ZNF407: variants seen among roughly 807,000 people sequenced by gnomAD.
ZNF407 encodes zinc finger protein 407.
In ZNF407, 17 loss-of-function variants were observed where a neutral mutation model predicts 131.2. That is an observed-to-expected ratio of 0.13 (90% CI 0.09 to 0.19). The LOEUF (loss-of-function observed/expected upper bound fraction) is 0.19, where lower values mean the gene tolerates loss of function less well. Ranked by LOEUF, ZNF407 falls within the 10% of genes least tolerant of loss-of-function variation. The pLI, the probability that ZNF407 is intolerant of heterozygous loss-of-function variation, is 1.00. For synonymous variants in ZNF407, 1,156 were observed against 1,062.0 expected, an observed-to-expected ratio of 1.09 and a Z score of -1.72; for missense variants, 2,681 against 2,830.6, an observed-to-expected ratio of 0.95 and a Z score of 1.20.
intron 3 of ZNF407, among the ~76,000 whole-genome samples, chr18:74,696,092 G>C (rs550801152): frequency 3.3e-4 from 50 of 152,268 alleles, no homozygotes; most frequent in Non-Finnish European, 5.4e-4. Context: ...TCCAATCACT[G>C]TAAGGACTGC....
intron 8 of ZNF407, among the ~76,000 whole-genome samples, chr18:75,037,541 A>G (rs1200488732): frequency 6.6e-6 from 1 of 152,088 alleles, no homozygotes; most frequent in Non-Finnish European, 1.5e-5. Context: ...GCCGCCGAAA[A>G]TAAAGATATC....
chr18:75,002,596 A>T (rs1972858924), intron 8 of ZNF407, among the ~76,000 whole-genome samples: 1 of 152,034 alleles, frequency 6.6e-6, no homozygotes, highest in Non-Finnish European at 1.5e-5. Context: ...AGGTCAGGAG[A>T]TCGAGACCAT....
intron 8 of ZNF407, among the ~76,000 whole-genome samples, chr18:74,944,818 A>G (rs1972136906): frequency 6.6e-6 from 1 of 152,226 alleles, no homozygotes; most frequent in Admixed American, 6.5e-5. Flanking sequence ...AGGAGTTCCA[A>G]AGAAGCAGTT....
chr18:75,018,396 G>A (rs758106448), intron 8 of ZNF407, among the ~76,000 whole-genome samples: 20 of 152,054 alleles, frequency 1.3e-4, no homozygotes, highest in Middle Eastern at 3.5e-3. Context: ...GATAAAATAT[G>A]TCATATTAGA....
intron 8 of ZNF407, among the ~76,000 whole-genome samples, chr18:74,959,283 T>G (rs1055012722): frequency 2.6e-5 from 4 of 152,192 alleles, no homozygotes; most frequent in Admixed American, 2.6e-4. Context: ...AATTAGACCA[T>G]CATCATCAGT....
chr18:74,728,603 C>T (rs1315496307), intron 3 of ZNF407, among the ~76,000 whole-genome samples: 1 of 152,120 alleles, frequency 6.6e-6, no homozygotes, highest in African/African-American at 2.4e-5. Context: ...TGTTGGTGGG[C>T]CACCTACCTC....
At chr18:74,683,683 G>A (rs1338220963) in intron 3 of ZNF407, among the ~76,000 whole-genome samples, 1 of 152,108 alleles carries the variant, frequency 6.6e-6, no homozygotes, top group Non-Finnish European at 1.5e-5. Flanking sequence ...ATGATTTATG[G>A]CCAACATGTA....
chr18:74,989,512 C>T (rs982621338), intron 8 of ZNF407, among the ~76,000 whole-genome samples: 3 of 152,184 alleles, frequency 2.0e-5, no homozygotes, highest in African/African-American at 4.8e-5. Flanking sequence ...TACTTCCTTT[C>T]GAAGATTCTA....
chr18:74,641,431 C>A (rs1984711277), intron 3 of ZNF407, among the ~76,000 whole-genome samples: 1 of 152,142 alleles, frequency 6.6e-6, no homozygotes, highest in South Asian at 2.1e-4. Flanking sequence ...TAAAGACATA[C>A]AAAAATACAT....
rs1025173671 is a variant in ZNF407, at chr18:74,706,942, T to C, written c.4802+65820T>C. 1.6e-3 allele frequency among the ~76,000 whole-genome samples: 9 copies of C among 5,504 alleles called. No homozygotes were observed. The Admixed American group carries it at 0.026, about 16-fold the overall frequency. 3.6% of individuals were successfully genotyped at this position (5,504 alleles called of 152,430 possible). On this transcript the variant is annotated intron_variant, in intron 3 of 8. Transcript: ENST00000299687. The stretch of plus-strand genomic sequence containing the variant: ...TTCCACAGGGGCAAAGACAGCAGCT[T>C]TTTTTTTTTTTTTTTTTTTTTTTTT...
chr18:74,723,718 G>A (rs1157206886), intron 3 of ZNF407, among the ~76,000 whole-genome samples: 4 of 152,088 alleles, frequency 2.6e-5, no homozygotes, highest in Non-Finnish European at 4.4e-5. Flanking sequence ...TGTTGTGAAA[G>A]GCTTCTTTCC....
intron 8 of ZNF407, among the ~76,000 whole-genome samples, chr18:75,022,061 A>G (rs1973117119): frequency 6.6e-6 from 1 of 152,142 alleles, no homozygotes; most frequent in South Asian, 2.1e-4. Context: ...GAAAATAGAA[A>G]TTTTATAAAC....
At position 74,635,437 on chromosome 18, in the gene ZNF407, A is replaced by T. The variant is rs1295356989; in HGVS notation, c.4418A>T (p.Gln1473Leu). The change falls in exon 2 of 9, where the codon CAG becomes CTG. Residue 1473 changes from glutamine (Q) to leucine (L), a missense_variant. Physicochemically the swap from Gln to Leu is moderately radical, Grantham distance 113. Transcript: ENST00000299687. This position sits in a 1 kb window ranked among gnomAD's most constrained non-coding sequence, Gnocchi z 4.7. Reference protein sequence around the residue: ...LASAGHMRNEQASVEELPEGG... With the variant: ...LASAGHMRNELASVEELPEGG... ...AGTGCCGGCCACATGAGAAATGAGC[A>T]GGCCAGTGTGGAGGAGCTTCCGGAG... 5 of 1,613,582 alleles carry T rather than the reference A, an allele frequency of 3.1e-6. No individual in the cohort carries two copies. The African/African-American group carries it at 6.7e-5, about 22-fold the overall frequency.
At chr18:74,835,300 C>T (rs145276246) in intron 4 of ZNF407, among the ~76,000 whole-genome samples, 1 of 152,204 alleles carries the variant, frequency 6.6e-6, no homozygotes, top group East Asian at 1.9e-4. Flanking sequence ...GTGCCACTTT[C>T]TCTCTCACTA....
chr18:75,020,468 T>C (rs554899363), intron 8 of ZNF407, among the ~76,000 whole-genome samples: 35 of 152,266 alleles, frequency 2.3e-4, no homozygotes, highest in African/African-American at 8.2e-4. Flanking sequence ...CAAGATTGTA[T>C]GTGATGACCA....
At chr18:74,878,679 T>C (rs1971194349) in intron 5 of ZNF407, among the ~76,000 whole-genome samples, 1 of 152,104 alleles carries the variant, frequency 6.6e-6, no homozygotes, top group African/African-American at 2.4e-5. Context: ...TCTTTCTACA[T>C]TTGAATGCAA....
chr18:75,002,153 C>G (rs1186263389), intron 8 of ZNF407, among the ~76,000 whole-genome samples: 1 of 152,148 alleles, frequency 6.6e-6, no homozygotes, highest in African/African-American at 2.4e-5. Context: ...CCTAAAAGGG[C>G]TTATGTGTTT....
At chr18:74,865,959 A>G (rs1470157943) in intron 4 of ZNF407, among the ~76,000 whole-genome samples, 1 of 152,240 alleles carries the variant, frequency 6.6e-6, no homozygotes, top group African/African-American at 2.4e-5. Context: ...GAAAAACTTG[A>G]TAGTATTTTA....
intron 3 of ZNF407, among the ~76,000 whole-genome samples, chr18:74,764,410 T>G (rs1412142438): frequency 6.6e-6 from 1 of 152,190 alleles, no homozygotes; most frequent in Non-Finnish European, 1.5e-5. Context: ...TTTCTAGACA[T>G]GTGGTTTGGA....
Sources: allele counts gnomAD v4.1 joint callset (sites outside exome capture counted in the v4.1 genomes callset), GRCh38; gene constraint gnomAD v4.1.1; non-coding constraint Gnocchi (gnomAD v3.1); transcripts MANE v1.5; gene names NCBI Gene and HGNC (gene_info 2026-07-23, HGNC 2026-07-21).